The following ACVR1B variants were observed in gnomAD, a reference collection of about 807,000 sequenced individuals.
ACVR1B encodes the protein activin A receptor type 1B.
ACVR1B carries 15 observed loss-of-function variants against 55.6 expected under a neutral mutation model. The ratio of observed to expected loss-of-function variants is 0.27; its 90% CI spans 0.18 to 0.42. The LOEUF is 0.42. ACVR1B is among the 10% of genes least tolerant of loss of function. ACVR1B has a pLI of 1.00. For synonymous variants in ACVR1B, 247 were observed against 254.6 expected (o/e 0.97, Z 0.28); for missense variants, 359 against 670.1 (o/e 0.54, Z 5.13).
chr12:51,967,829 C>T (rs752898776), intron 1 of ACVR1B, among the ~76,000 whole-genome samples: 17 of 152,220 alleles, frequency 1.1e-4, no homozygotes, highest in Non-Finnish European at 2.4e-4. Flanking sequence ...AGTGATGGAA[C>T]CAGGATTTAA....
At chr12:51,992,224 G>GC (rs1378199160) in intron 8 of ACVR1B, 2 of 582,044 alleles carry the variant, frequency 3.4e-6, no homozygotes, top group African/African-American at 3.8e-5. Context: ...AAGGCTTTGG[G>GC]CCTGGTGTGG....
At chr12:51,968,678 GTTCGT>G (rs1214712791) in intron 1 of ACVR1B, among the ~76,000 whole-genome samples, 5 of 152,200 alleles carry the variant, frequency 3.3e-5, no homozygotes, top group African/African-American at 1.2e-4. Context: ...TTTCTGCCAG[GTTCGT>G]TTCCTTTTGG....
intron 1 of ACVR1B, among the ~76,000 whole-genome samples, chr12:51,961,232 T>C (rs1941519012): frequency 6.6e-6 from 1 of 152,242 alleles, no homozygotes; most frequent in African/African-American, 2.4e-5. Context: ...GGGAGCTGGC[T>C]TATTTGTTAT....
chr12:51,962,673 G>A (rs1370910477), intron 1 of ACVR1B, among the ~76,000 whole-genome samples: 1 of 152,018 alleles, frequency 6.6e-6, no homozygotes, highest in Admixed American at 6.6e-5. Flanking sequence ...ACAGTTTAGT[G>A]CCAGACATTT....
chr12:51,980,613 C>T (rs138556806), intron 3 of ACVR1B, among the ~76,000 whole-genome samples: 39 of 152,328 alleles, frequency 2.6e-4, no homozygotes, highest in African/African-American at 9.4e-4. Flanking sequence ...CAAAATAAAG[C>T]AGATGTGGGT....
intron 1 of ACVR1B, among the ~76,000 whole-genome samples, chr12:51,962,131 T>A (rs772448155): frequency 1.3e-5 from 2 of 152,254 alleles, no homozygotes; most frequent in Non-Finnish European, 2.9e-5. Flanking sequence ...CCAAGTAGAA[T>A]GTCAGAAAGG....
intron 1 of ACVR1B, among the ~76,000 whole-genome samples, chr12:51,955,019 G>A (rs1337963182): frequency 6.6e-6 from 1 of 152,238 alleles, no homozygotes; most frequent in East Asian, 1.9e-4. Context: ...TTACATCGTC[G>A]ACTAGGCAGC....
At chr12:51,992,963 G>T (rs1942222682) in intron 8 of ACVR1B, among the ~76,000 whole-genome samples, 1 of 152,226 alleles carries the variant, frequency 6.6e-6, no homozygotes, top group Non-Finnish European at 1.5e-5. Context: ...CTTTTCACTT[G>T]CGGTTCTGCA....
rs199798118 is a variant in ACVR1B at position 51,993,906 on chromosome 12, G to A, written c.1393-79G>A. On this transcript the variant is annotated intron_variant, in intron 8 of 8. Coordinates refer to ENST00000257963, the MANE Select transcript of ACVR1B (RefSeq NM_004302.5). ...GACTGCACTGAGCGGGAGGTGGCAG[G>A]GAAATGAGTGAGAGCCTAGGGACCA... is the stretch of plus-strand genomic sequence containing the variant. 1.2e-3 allele frequency: 1,895 copies of A among 1,570,846 alleles called. 6 individuals carry two copies. Among genetic ancestry groups the A allele is most frequent in the Middle Eastern group, 0.011 (62 of 5,872 alleles).
At chr12:51,982,963 C>A (rs1942008515) in intron 4 of ACVR1B, among the ~76,000 whole-genome samples, 1 of 152,152 alleles carries the variant, frequency 6.6e-6, no homozygotes, top group Admixed American at 6.5e-5. Flanking sequence ...GTTGGGTGGG[C>A]CCCTTGTTTG....
chr12:51,965,340 A>G (rs948875965), intron 1 of ACVR1B, among the ~76,000 whole-genome samples: 3 of 152,172 alleles, frequency 2.0e-5, no homozygotes, highest in African/African-American at 7.2e-5. Context: ...AAAAGCTAGT[A>G]AAGATAAAGT....
At chr12:51,977,489 G>T (rs924163523) in intron 3 of ACVR1B, among the ~76,000 whole-genome samples, 20 of 151,802 alleles carry the variant, frequency 1.3e-4, no homozygotes, top group Non-Finnish European at 2.9e-5. Flanking sequence ...TAGAGACAAG[G>T]TTTCGCCACA....
chr12:51,952,462 TGG>T (rs1422114139), intron 1 of ACVR1B, among the ~76,000 whole-genome samples: 1 of 152,140 alleles, frequency 6.6e-6, no homozygotes. Context: ...TTGAGTTCAG[TGG>T]GGCAATCCCC....
At chr12:51,985,154 C>G (rs745916398) in intron 5 of ACVR1B, 38 bp from the exon 6 acceptor site, 1 of 1,576,344 alleles carries the variant, frequency 6.3e-7, no homozygotes. Context: ...ACATTTATAT[C>G]ATCTCTTTGT....
intron 1 of ACVR1B, among the ~76,000 whole-genome samples, chr12:51,960,753 A>G (rs2120462547): frequency 6.6e-6 from 1 of 152,336 alleles, no homozygotes; most frequent in Admixed American, 6.5e-5. Flanking sequence ...GTGACCTTCT[A>G]ACCAGGCTCT....
chr12:51,985,913 G>A (rs559154734), intron 6 of ACVR1B, among the ~76,000 whole-genome samples: 1 of 152,276 alleles, frequency 6.6e-6, no homozygotes, highest in South Asian at 2.1e-4. Flanking sequence ...GAGTGGAAGA[G>A]GTGGAAATCT....
At chr12:51,954,612 C>A (rs912270923) in intron 1 of ACVR1B, among the ~76,000 whole-genome samples, 1 of 152,176 alleles carries the variant, frequency 6.6e-6, no homozygotes, top group South Asian at 2.1e-4. Context: ...ATTAAAATGG[C>A]TACTCTGGTT....
At chr12:51,979,801 A>G (rs1592255637) in intron 3 of ACVR1B, among the ~76,000 whole-genome samples, 1 of 152,060 alleles carries the variant, frequency 6.6e-6, no homozygotes, top group East Asian at 1.9e-4. Flanking sequence ...TGGAGGATGA[A>G]TTCATTCACT....
intron 4 of ACVR1B, among the ~76,000 whole-genome samples, 169 bp downstream of exon 4, chr12:51,981,368 A>G (rs375599171): frequency 6.6e-6 from 1 of 152,154 alleles, no homozygotes; most frequent in Non-Finnish European, 1.5e-5. Flanking sequence ...CTTTTATTCC[A>G]TGAAAAGGTT....
Sources: allele counts gnomAD v4.1 joint callset (sites outside exome capture counted in the v4.1 genomes callset), GRCh38; gene constraint gnomAD v4.1.1; transcripts MANE v1.5; gene names NCBI Gene and HGNC (gene_info 2026-07-23, HGNC 2026-07-21).